CRTAC1: variants seen among roughly 807,000 people sequenced by gnomAD.
CRTAC1 encodes acidic secreted protein in cartilage.
CRTAC1 carries 37 observed loss-of-function variants against 67.8 expected under a neutral mutation model. The ratio of observed to expected loss-of-function variants is 0.55; its 90% CI spans 0.42 to 0.72. The LOEUF is 0.72. Ranked by LOEUF, CRTAC1 falls within the 30% of genes least tolerant of loss-of-function variation. CRTAC1 has a pLI of 0.00. For synonymous variants in CRTAC1, 348 were observed against 371.0 expected (o/e 0.94, Z 0.71); for missense variants, 780 against 931.6 (o/e 0.84, Z 2.12).
chr10:97,882,624 T>G (rs1452190229), intron 13 of CRTAC1, among the ~76,000 whole-genome samples, 162 bp downstream of exon 13: 1 of 152,200 alleles, frequency 6.6e-6, no homozygotes, highest in Non-Finnish European at 1.5e-5. Context: ...GTGAGTCATG[T>G]GGTGGTTGTC....
Position 98,030,521 on chromosome 10 carries a change from G to GCTGCCGCCT in CRTAC1, c.-58_-50dup, listed in dbSNP as rs909019675. 2 of 1,224,840 alleles carry GCTGCCGCCT rather than the reference G, an allele frequency of 1.6e-6. No individual in the cohort carries two copies. The highest frequency in any genetic ancestry group is 8.5e-5 in the Admixed American group (2 of 23,510). 75.9% of individuals were successfully genotyped at this position (1,224,840 alleles called of 1,614,324 possible). On this transcript the variant is annotated 5_prime_UTR_variant, in exon 1 of 15. Coordinates refer to ENST00000370597, the MANE Select transcript of CRTAC1 (RefSeq NM_018058.7). This position sits in a 1 kb window ranked among gnomAD's most constrained non-coding sequence, Gnocchi z 4.2. ...CTAGGGGCGTGGGAAGCGGGCGCTCGCTGCCGCCTCTGCCGCCGGCGCCGC... is the reference window on the plus strand; with the variant it reads ...CTAGGGGCGTGGGAAGCGGGCGCTCGCTGCCGCCTCTGCCGCCTCTGCCGCCGGCGCCGC...
intron 14 of CRTAC1, chr10:97,878,533 C>T (rs2050172615): frequency 8.8e-7 from 1 of 1,132,780 alleles, no homozygotes; most frequent in Non-Finnish European, 1.1e-6. Flanking sequence ...ACTTTTTTTC[C>T]CCATGAAGAA....
At chr10:97,959,055 CTG>C (rs1280760009) in intron 2 of CRTAC1, among the ~76,000 whole-genome samples, 1 of 152,174 alleles carries the variant, frequency 6.6e-6, no homozygotes, top group Non-Finnish European at 1.5e-5. Context: ...TTATGAGACT[CTG>C]TGGGACAAGC....
At chr10:97,918,852 C>T (rs141223367) in intron 4 of CRTAC1, among the ~76,000 whole-genome samples, 2,996 of 149,494 alleles carry the variant, frequency 0.02, 94 homozygotes, top group African/African-American at 0.066. Flanking sequence ...GGTGTGATCT[C>T]GGCTCACTGC....
intron 2 of CRTAC1, among the ~76,000 whole-genome samples, chr10:97,967,401 C>T (rs192837806): frequency 1.3e-5 from 2 of 152,254 alleles, no homozygotes; most frequent in East Asian, 3.9e-4. Context: ...TGTCCCATTC[C>T]TAGAATCAGC....
intron 11 of CRTAC1, among the ~76,000 whole-genome samples, chr10:97,890,295 A>AG (rs34793935): frequency 1.3e-5 from 2 of 151,684 alleles, no homozygotes; most frequent in Non-Finnish European, 2.9e-5. Context: ...TTTTGTAGAA[A>AG]GGGGGGTCTC....
intron 2 of CRTAC1, among the ~76,000 whole-genome samples, chr10:97,998,054 T>C (rs1842619381): frequency 6.6e-6 from 1 of 152,184 alleles, no homozygotes; most frequent in Admixed American, 6.5e-5. Flanking sequence ...CAATGCCACC[T>C]TGATTTCCCA....
In CRTAC1 at chr10:97,908,110, G is replaced by C; in HGVS notation, c.753C>G (p.Ser251Arg). Residue 251 changes from serine to arginine, a missense_variant, in exon 6 of 15, where the codon AGC (serine) becomes AGG (arginine). By Grantham distance (110) the Ser-to-Arg change is moderately radical. Coordinates refer to ENST00000370597, the MANE Select transcript of CRTAC1 (RefSeq NM_018058.7). ...TGTCGCAGAAGATATCCGAGGCACT[G>C]CTGCTGAGGATGGGGCCCACGCTGA... ...RGVSVGPILS[S>R]SASDIFCDNE... 6.2e-7 allele frequency: 1 copy of C among 1,614,112 alleles called. No homozygotes were observed. Among genetic ancestry groups the C allele is most frequent in the Non-Finnish European group, 8.5e-7 (1 of 1,179,964 alleles).
intron 2 of CRTAC1, among the ~76,000 whole-genome samples, chr10:97,953,065 G>A (rs909240507): frequency 1.3e-5 from 2 of 152,050 alleles, no homozygotes; most frequent in Non-Finnish European, 1.5e-5. Flanking sequence ...GGGCAGACAG[G>A]AAGCCAGCGA....
intron 3 of CRTAC1, among the ~76,000 whole-genome samples, 190 bp from the exon 4 acceptor site, chr10:97,923,590 A>C (rs2050872206): frequency 6.6e-6 from 1 of 152,032 alleles, no homozygotes; most frequent in Admixed American, 6.5e-5. Context: ...TTTCCAGTTG[A>C]GGGAAGAGAC....
At chr10:98,017,808 A>T (rs953292071) in intron 1 of CRTAC1, among the ~76,000 whole-genome samples, 1 of 151,608 alleles carries the variant, frequency 6.6e-6, no homozygotes, top group Non-Finnish European at 1.5e-5. Flanking sequence ...AAGTGCTGAG[A>T]TTACAGGTGT....
intron 7 of CRTAC1, 95 bp downstream of exon 7, chr10:97,904,574 C>G: frequency 7.7e-7 from 1 of 1,291,442 alleles, no homozygotes; most frequent in Non-Finnish European, 1.0e-6. Flanking sequence ...CACGCACCAC[C>G]ACACCTGGCC....
intron 2 of CRTAC1, among the ~76,000 whole-genome samples, chr10:97,938,429 G>A (rs1446582543): frequency 6.6e-6 from 1 of 152,186 alleles, no homozygotes; most frequent in Non-Finnish European, 1.5e-5. Context: ...TCTCACTTGA[G>A]CCCCACACCA....
chr10:97,912,010 C>T (rs974609215), intron 5 of CRTAC1, among the ~76,000 whole-genome samples: 25 of 152,292 alleles, frequency 1.6e-4, no homozygotes, highest in East Asian at 5.8e-4. Flanking sequence ...GGAGACACCA[C>T]GGCACCGGGG....
chr10:97,968,598 C>T lies in CRTAC1; in HGVS notation c.225-32232G>A, dbSNP rs189995159. ...TCTAGTCGGGGTAAATGGGGCAGGC[C>T]AGAGTCTGAGAAGGAAATAAGGAAT... On this transcript the variant is annotated intron_variant, in intron 2 of 14. Transcript: ENST00000370597. 2.6e-4 allele frequency among the ~76,000 whole-genome samples: 39 copies of T among 152,244 alleles called. No homozygotes were observed. In the East Asian group the frequency reaches 3.5e-3, roughly 14 times the overall value.
rs543809351 is a variant in CRTAC1 at position 97,904,523 on chromosome 10, G to C, written c.996+146C>G. On this transcript the variant is annotated intron_variant, in intron 7 of 14. Transcript: ENST00000370597. ...TGTAACCTCTGCCTCCTGGGCTCAA[G>C]ATTCCTGTGCCTCAGCTACCGGAGT... 8.7e-5 allele frequency: 59 copies of C among 679,828 alleles called. No homozygotes were observed. In the African/African-American group the frequency reaches 9.5e-4, roughly 11 times the overall value. The allele number at this position is 679,828 out of a possible 1,614,324, so 42.1% of individuals were successfully genotyped here.
At chr10:97,941,908 C>T (rs143949819) in intron 2 of CRTAC1, among the ~76,000 whole-genome samples, 2 of 152,296 alleles carry the variant, frequency 1.3e-5, no homozygotes, top group East Asian at 1.9e-4. Context: ...CCTTGGAGCC[C>T]GCATGGTCTG....
In CRTAC1 at chr10:98,030,554, T is replaced by C. The variant is rs1843355426; in HGVS notation, c.-82A>G. 9.9e-7 allele frequency: 1 copy of C among 1,009,850 alleles called. No individual in the cohort carries two copies. The allele number at this position is 1,009,850 out of a possible 1,614,324, so 62.6% of individuals were successfully genotyped here. On this transcript the variant is annotated 5_prime_UTR_variant, in exon 1 of 15. Transcript: ENST00000370597. The surrounding 1 kb of genome is among the most constrained non-coding windows in gnomAD (Gnocchi z 4.2). Reference sequence around the variant, plus strand: ...CTCTGCCGCCGGCGCCGCCGCCTGCTTGCTCCCAGCCCCGGTCCCGGGCTG... The same window carrying C: ...CTCTGCCGCCGGCGCCGCCGCCTGCCTGCTCCCAGCCCCGGTCCCGGGCTG...
chr10:97,942,619 C>T (rs2051192645), intron 2 of CRTAC1, among the ~76,000 whole-genome samples: 1 of 151,956 alleles, frequency 6.6e-6, no homozygotes, highest in Non-Finnish European at 1.5e-5. Context: ...CTATTATATA[C>T]CAGAAACTGT....
Sources: gnomAD v4.1 joint callset for allele counts (sites outside exome capture counted in the v4.1 genomes callset) on GRCh38, gnomAD v4.1.1 for gene constraint, Gnocchi (gnomAD v3.1) non-coding constraint, MANE v1.5 for transcripts, NCBI Gene and HGNC (gene_info 2026-07-23, HGNC 2026-07-21) for gene names.